The following FRMD4A variants were observed in gnomAD, a reference collection of about 807,000 sequenced individuals.
FRMD4A encodes FERM domain containing 4A.
FRMD4A carries 29 observed loss-of-function variants against 129.1 expected under a neutral mutation model. The ratio of observed to expected loss-of-function variants is 0.22; its 90% CI spans 0.17 to 0.31. FRMD4A has a LOEUF of 0.31. Ranked by LOEUF, FRMD4A falls within the 10% of genes least tolerant of loss-of-function variation. The probability of loss-of-function intolerance (pLI) is 1.00; values close to 1 mark genes in which losing one functional copy is unlikely to be tolerated. For missense variants in FRMD4A, 1,272 were observed against 1,375.8 expected (o/e 0.92, Z 1.19); for synonymous variants, 634 against 571.6 (o/e 1.11, Z -1.56).
intron 2 of FRMD4A, among the ~76,000 whole-genome samples, chr10:14,192,146 G>T (rs1162198376): frequency 1.3e-5 from 2 of 152,136 alleles, no homozygotes; most frequent in Non-Finnish European, 2.9e-5. Flanking sequence ...TCATCCAAGG[G>T]AATTCCAATT....
At chr10:13,681,191 C>A (rs1207438245) in intron 15 of FRMD4A, among the ~76,000 whole-genome samples, 3 of 152,208 alleles carry the variant, frequency 2.0e-5, no homozygotes, top group African/African-American at 7.2e-5. Context: ...ACCTTCCTAA[C>A]TTCTAGCCTT....
At chr10:13,949,305 AAAAAAAAAAAAAAG>A (rs2095355865) in intron 2 of FRMD4A, among the ~76,000 whole-genome samples, 1 of 150,900 alleles carries the variant, frequency 6.6e-6, no homozygotes, top group South Asian at 2.1e-4. Context: ...AGTGATCAAA[AAAAAAAAAAAAAAG>A]AAAGAAAGAA....
intron 2 of FRMD4A, among the ~76,000 whole-genome samples, chr10:14,028,078 G>A (rs1833064885): frequency 6.6e-6 from 1 of 152,208 alleles, no homozygotes; most frequent in South Asian, 2.1e-4. Flanking sequence ...AGGCTGGCTT[G>A]GGCCGATCGA....
chr10:13,810,581 G>C (rs183801922), intron 4 of FRMD4A, among the ~76,000 whole-genome samples: 96 of 152,104 alleles, frequency 6.3e-4, no homozygotes, highest in African/African-American at 2.1e-3. Flanking sequence ...TTGATTATTA[G>C]AACTAGTTTA....
intron 2 of FRMD4A, among the ~76,000 whole-genome samples, chr10:14,119,885 G>A (rs994740155): frequency 6.6e-6 from 1 of 152,118 alleles, no homozygotes; most frequent in African/African-American, 2.4e-5. Flanking sequence ...GGGCAGAGCA[G>A]GTGACAGCTG....
chr10:14,297,412 G>T (rs1846044718), intron 2 of FRMD4A, among the ~76,000 whole-genome samples: 2 of 151,898 alleles, frequency 1.3e-5, no homozygotes, highest in South Asian at 4.2e-4. Context: ...CAGGAGTAAA[G>T]TCAGACCATG....
intron 2 of FRMD4A, among the ~76,000 whole-genome samples, chr10:13,912,809 C>T (rs1162626345): frequency 6.6e-6 from 1 of 151,934 alleles, no homozygotes; most frequent in African/African-American, 2.4e-5. Context: ...CGTGGTGGCT[C>T]ACACCTGTAA....
intron 2 of FRMD4A, among the ~76,000 whole-genome samples, chr10:14,307,257 G>A (rs1393034123): frequency 2.0e-5 from 3 of 152,212 alleles, no homozygotes; most frequent in Non-Finnish European, 4.4e-5. Context: ...AGTATACAGA[G>A]AAGAAAATCG....
chr10:13,711,408 C>T (rs562668273), intron 12 of FRMD4A, among the ~76,000 whole-genome samples: 44 of 152,336 alleles, frequency 2.9e-4, no homozygotes, highest in Admixed American at 2.2e-3. Context: ...GGGGCAGCCC[C>T]GATGGTCTGC....
chr10:14,319,250 A>G (rs1245272453), intron 2 of FRMD4A, among the ~76,000 whole-genome samples: 1 of 152,176 alleles, frequency 6.6e-6, no homozygotes, highest in African/African-American at 2.4e-5. Flanking sequence ...CTCCTGACCC[A>G]TAACATTTAT....
At chr10:14,235,826 A>G (rs1392185125) in intron 2 of FRMD4A, among the ~76,000 whole-genome samples, 1 of 152,132 alleles carries the variant, frequency 6.6e-6, no homozygotes, top group Non-Finnish European at 1.5e-5. Flanking sequence ...TTGACCTGCC[A>G]TGATTTTCTA....
chr10:13,855,822 C>G (rs982001700), intron 3 of FRMD4A, among the ~76,000 whole-genome samples: 2 of 151,954 alleles, frequency 1.3e-5, no homozygotes, highest in African/African-American at 4.8e-5. Context: ...TACTGCCCAA[C>G]AGATAGAATC....
chr10:14,103,840 CAAT>C (rs1327298160), intron 2 of FRMD4A, among the ~76,000 whole-genome samples: 1 of 152,134 alleles, frequency 6.6e-6, no homozygotes, highest in African/African-American at 2.4e-5. Flanking sequence ...TTTTCTATGA[CAAT>C]GAGTAGAATT....
At chr10:14,081,808 T>C (rs1436939637) in intron 2 of FRMD4A, among the ~76,000 whole-genome samples, 1 of 152,204 alleles carries the variant, frequency 6.6e-6, no homozygotes, top group Non-Finnish European at 1.5e-5. Context: ...CAGCCTACTG[T>C]GGCAAATTCA....
At chr10:13,817,966 G>A (rs974897106) in intron 3 of FRMD4A, among the ~76,000 whole-genome samples, 7 of 152,206 alleles carry the variant, frequency 4.6e-5, no homozygotes, top group East Asian at 3.9e-4. Flanking sequence ...ACTACATACA[G>A]TATCAAGCTC....
At chr10:14,138,545 G>T (rs1263014554) in intron 2 of FRMD4A, among the ~76,000 whole-genome samples, 3 of 151,960 alleles carry the variant, frequency 2.0e-5, no homozygotes, top group Non-Finnish European at 2.9e-5. Flanking sequence ...CAGATCATGA[G>T]GTCAAGAGAT....
intron 9 of FRMD4A, among the ~76,000 whole-genome samples, chr10:13,743,099 G>C (rs750163566): frequency 1.4e-4 from 21 of 152,294 alleles, no homozygotes; most frequent in Non-Finnish European, 2.9e-4. Flanking sequence ...GCTACAGGGG[G>C]CCTTGCCTCA....
At chr10:14,140,765 GTA>G (rs144981498) in intron 2 of FRMD4A, among the ~76,000 whole-genome samples, 9 of 151,624 alleles carry the variant, frequency 5.9e-5, no homozygotes, top group Admixed American at 4.0e-4. Flanking sequence ...TCACATGTAG[GTA>G]TATATATATA....
In FRMD4A at chr10:14,149,398, G is replaced by A. The variant is rs199852681; in HGVS notation, c.45+180660C>T. Among the ~76,000 whole-genome samples the A allele has an allele frequency of 5.9e-5, 9 of 152,146 alleles. No individual in the cohort carries two copies. The East Asian group carries it at 1.5e-3, about 26-fold the overall frequency. On this transcript the variant is annotated intron_variant, in intron 2 of 24. Coordinates refer to ENST00000357447, the MANE Select transcript of FRMD4A (RefSeq NM_018027.5). ...CTTGTCACCCAGGCTGGAGTGCAGT[G>A]GCATGATCATAGCTCACTGTGGTCT...
Sources: gnomAD v4.1 joint callset for allele counts (sites outside exome capture counted in the v4.1 genomes callset) on GRCh38, gnomAD v4.1.1 for gene constraint, MANE v1.5 for transcripts, NCBI Gene and HGNC (gene_info 2026-07-23, HGNC 2026-07-21) for gene names.